The following ARHGAP26 variants were observed in gnomAD, a reference collection of about 807,000 sequenced individuals.
ARHGAP26 encodes Rho GTPase activating protein 26.
ARHGAP26 carries 38 observed loss-of-function variants against 104.8 expected under a neutral mutation model. That is an observed-to-expected ratio of 0.36 (90% CI 0.28 to 0.48). The LOEUF (loss-of-function observed/expected upper bound fraction) is 0.48. Among genes scored for constraint, ARHGAP26 ranks in the 20% least tolerant of loss-of-function variants. The pLI is 0.99. For missense variants in ARHGAP26, 704 were observed against 947.9 expected, an observed-to-expected ratio of 0.74 and a Z score of 3.38; for synonymous variants, 341 against 340.0, an observed-to-expected ratio of 1.00 and a Z score of -0.03.
chr5:143,166,130 C>T (rs774332044), intron 20 of ARHGAP26: 1 of 1,287,528 alleles, frequency 7.8e-7, no homozygotes, highest in South Asian at 1.3e-5. Flanking sequence ...GGGTTCCAGT[C>T]ATATCTCAAT....
chr5:142,885,251 C>T, intron 4 of ARHGAP26, 47 bp from the exon 5 acceptor site: 1 of 1,527,910 alleles, frequency 6.5e-7, no homozygotes, highest in Non-Finnish European at 9.0e-7. Flanking sequence ...GCTTTTATTC[C>T]TGCAACGTGT....
At chr5:142,918,630 G>T (rs944562434) in intron 10 of ARHGAP26, among the ~76,000 whole-genome samples, 1 of 151,866 alleles carries the variant, frequency 6.6e-6, no homozygotes, top group Non-Finnish European at 1.5e-5. Flanking sequence ...TTTCTCTAGT[G>T]CCTTCCTTTT....
chr5:142,887,661 A>C (rs766101918), intron 5 of ARHGAP26, among the ~76,000 whole-genome samples: 3 of 152,202 alleles, frequency 2.0e-5, no homozygotes, highest in Non-Finnish European at 4.4e-5. Context: ...CAGATCTTGC[A>C]GGTTCTGGTC....
At chr5:143,114,148 G>A (rs1795126396) in intron 17 of ARHGAP26, among the ~76,000 whole-genome samples, 1 of 152,164 alleles carries the variant, frequency 6.6e-6, no homozygotes, top group Non-Finnish European at 1.5e-5. Context: ...CAGGCTTCCT[G>A]TCTGGCTTCT....
rs2151784724 is a variant in ARHGAP26 at position 142,771,443 on chromosome 5, G to A, written c.154+528G>A. ...AGTCAGGCCGCCGGGTTCCCTGGGT[G>A]GAATGCTTGGTTAGCTTGCGATTCC... On this transcript the variant is annotated intron_variant, in intron 1 of 22. Coordinates refer to ENST00000645722, the MANE Select transcript of ARHGAP26 (RefSeq NM_001135608.3). The A allele has an allele frequency of 4.9e-6, 6 of 1,226,940 alleles. No individual in the cohort carries two copies. In the South Asian group the frequency reaches 2.5e-4, roughly 51 times the overall value. The allele number at this position is 1,226,940 out of a possible 1,614,324, so 76.0% of individuals were successfully genotyped here. A position where few individuals can be genotyped will look rare whatever the true frequency, so the allele number is the denominator to read the frequency against.
chr5:143,221,944 G>GGAAGGAAA (rs1811213813), intron 22 of ARHGAP26, among the ~76,000 whole-genome samples: 2 of 151,984 alleles, frequency 1.3e-5, no homozygotes, highest in Non-Finnish European at 2.9e-5. Context: ...AAGGAAGGAA[G>GGAAGGAAA]GAAGGATGGA....
chr5:143,215,951 G>C (rs781548313), intron 22 of ARHGAP26, among the ~76,000 whole-genome samples: 3 of 152,164 alleles, frequency 2.0e-5, no homozygotes, highest in Admixed American at 6.5e-5. Flanking sequence ...TAGGTTTCCA[G>C]TTCTCTTGGG....
At chr5:143,146,928 G>A (rs1799230148) in intron 19 of ARHGAP26, among the ~76,000 whole-genome samples, 1 of 152,174 alleles carries the variant, frequency 6.6e-6, no homozygotes, top group Admixed American at 6.5e-5. Flanking sequence ...CCAGTCAAAA[G>A]AAGATGCAAT....
chr5:143,206,668 A>G (rs1562609252), intron 20 of ARHGAP26, among the ~76,000 whole-genome samples: 1 of 152,212 alleles, frequency 6.6e-6, no homozygotes, highest in Non-Finnish European at 1.5e-5. Flanking sequence ...CACCTTCTTC[A>G]TGCAGTACTT....
chr5:142,894,167 C>A, intron 5 of ARHGAP26, 71 bp from the exon 6 acceptor site: 1 of 1,217,756 alleles, frequency 8.2e-7, no homozygotes, highest in South Asian at 1.4e-5. Flanking sequence ...TTTTTTTTTT[C>A]TGACCTGCTT....
chr5:142,913,554 GT>G (rs1392574431), intron 10 of ARHGAP26, among the ~76,000 whole-genome samples: 1 of 152,038 alleles, frequency 6.6e-6, no homozygotes, highest in African/African-American at 2.4e-5. Flanking sequence ...GCTTGGTTTT[GT>G]TTTACTTTAA....
chr5:142,854,311 C>T (rs1465764351), intron 1 of ARHGAP26, among the ~76,000 whole-genome samples: 2 of 152,306 alleles, frequency 1.3e-5, no homozygotes, highest in East Asian at 3.9e-4. Flanking sequence ...TGCTTTGTTC[C>T]TCTCCACCAT....
intron 14 of ARHGAP26, among the ~76,000 whole-genome samples, chr5:143,048,213 G>T (rs913868425): frequency 3.9e-5 from 6 of 152,030 alleles, no homozygotes; most frequent in African/African-American, 1.4e-4. Context: ...AATATGTTTT[G>T]TAAGATTATT....
chr5:143,032,862 A>G (rs544315844), intron 12 of ARHGAP26, among the ~76,000 whole-genome samples: 1 of 152,200 alleles, frequency 6.6e-6, no homozygotes. Flanking sequence ...TGTGTGAAAA[A>G]GAAGAGACAA....
intron 1 of ARHGAP26, among the ~76,000 whole-genome samples, chr5:142,834,886 T>G (rs1303934413): frequency 6.6e-6 from 1 of 152,228 alleles, no homozygotes; most frequent in Non-Finnish European, 1.5e-5. Flanking sequence ...TAAAGGTGCG[T>G]GGCCATTAGC....
At chr5:142,997,093 CCAAAAA>C (rs771426463) in intron 11 of ARHGAP26, among the ~76,000 whole-genome samples, 17,584 of 151,962 alleles carry the variant, frequency 0.12, 1,402 homozygotes, top group Non-Finnish European at 0.18. Context: ...TAGCTGTTTT[CCAAAAA>C]ACTTTATATA....
At chr5:143,163,959 C>G (rs1448495179) in intron 20 of ARHGAP26, among the ~76,000 whole-genome samples, 6 of 151,690 alleles carry the variant, frequency 4.0e-5, no homozygotes, top group Non-Finnish European at 8.8e-5. Context: ...TGAAAAGCTG[C>G]AATTTGATCA....
At chr5:143,139,022 G>A (rs186907592) in intron 19 of ARHGAP26, among the ~76,000 whole-genome samples, 3 of 152,100 alleles carry the variant, frequency 2.0e-5, no homozygotes, top group African/African-American at 4.8e-5. Context: ...GACCTAGTCC[G>A]CGAACTCTTC....
intron 21 of ARHGAP26, 38 bp downstream of exon 21, chr5:143,207,346 G>T: frequency 1.2e-6 from 2 of 1,614,126 alleles, no homozygotes; most frequent in Non-Finnish European, 1.7e-6. Context: ...TGTTGCTGCC[G>T]TTGTTCTCTC....
Sources: allele counts gnomAD v4.1 joint callset (sites outside exome capture counted in the v4.1 genomes callset), GRCh38; gene constraint gnomAD v4.1.1; transcripts MANE v1.5; gene names NCBI Gene and HGNC (gene_info 2026-07-23, HGNC 2026-07-21).